The following SYN1 variants were observed in gnomAD, a reference collection of about 807,000 sequenced individuals.
SYN1 encodes the protein synapsin-1.
SYN1 carries 8 observed loss-of-function variants against 44.6 expected under a neutral mutation model. The observed-to-expected ratio is 0.18, with a 90% CI of 0.11 to 0.32. SYN1 has a LOEUF of 0.32. Ranked by LOEUF, SYN1 falls within the 10% of genes least tolerant of loss-of-function variation. The probability of loss-of-function intolerance (pLI) is 1.00; values close to 1 mark genes in which losing one functional copy is unlikely to be tolerated. For synonymous variants in SYN1, 275 were observed against 280.1 expected, an observed-to-expected ratio of 0.98 and a Z score of 0.18; for missense variants, 451 against 639.4, an observed-to-expected ratio of 0.71 and a Z score of 3.18.
Position 47,619,640 on chromosome X carries a change from G to C in SYN1, c.89C>G (p.Pro30Arg). Reference sequence around the variant, plus strand: ...GTGGGCACCGGGCGGCGGTGGGGGCGGCTGCGGACGCTGCAGGTCTGTCAT... The same window carrying C: ...GTGGGCACCGGGCGGCGGTGGGGGCCGCTGCGGACGCTGCAGGTCTGTCAT... ...GYMTDLQRPQ[P>R]PPPPPGAHSP... Residue 30 changes from proline to arginine, a missense_variant, in exon 1 of 13, where the codon CCG becomes CGG. Physicochemically the swap from Pro to Arg is moderately radical, Grantham distance 103. Around this residue, in one of 3 missense-constraint regions of SYN1, gnomAD observed 315 missense variants for 451.4 expected, o/e 0.70. Transcript: ENST00000295987. 8.6e-7 allele frequency: 1 copy of C among 1,160,343 alleles called. No homozygotes were observed. The highest frequency in any genetic ancestry group is 1.9e-5 in the South Asian group (1 of 52,144).
Position 47,574,721 on chromosome X carries a change from C to T in SYN1, c.1360G>A (p.Gly454Arg). 8.4e-7 allele frequency: 1 copy of T among 1,186,243 alleles called. No homozygotes were observed. The highest frequency in any genetic ancestry group is 1.1e-6 in the Non-Finnish European group (1 of 883,257). ...GGGGGTCGCTGCTGAGCCGGGGGCC[C>T]TGCGGGCTGCTGGGAGGTCTGGCGG... The part of the protein sequence containing the change: ...LGRQTSQQPA[G>R]PPAQQRPPPQ... Residue 454 changes from glycine (G) to arginine (R), a missense_variant, in exon 11 of 13, where the codon GGG (glycine) becomes AGG (arginine). By Grantham distance (125) the Gly-to-Arg change is moderately radical. Transcript: ENST00000295987.
At chrX:47,585,226 T>C in intron 5 of SYN1, 1 of 1,198,906 alleles carries the variant, frequency 8.3e-7, no homozygotes, top group Non-Finnish European at 1.1e-6. Flanking sequence ...GTTCCAAGCC[T>C]TAGGGGATGC....
Position 47,586,999 on chromosome X carries a change from G to A in SYN1, c.775-9498C>T, listed in dbSNP as rs1054353253. On this transcript the variant is annotated intron_variant, in intron 5 of 12. Transcript: ENST00000295987. ...GGTCACTGAACCTGCATTATCAACC[G>A]TAACCTCTGAATAATTTCTCCAGCC... Among the ~76,000 whole-genome samples the A allele has an allele frequency of 5.3e-5, 6 of 112,886 alleles. 1 individual carries two copies. The highest frequency in any genetic ancestry group is 9.7e-5 in the African/African-American group (3 of 31,088).
Position 47,619,765 on chromosome X carries a change from T to C in SYN1, c.-37A>G, listed in dbSNP as rs1347947304. The C allele has an allele frequency of 3.5e-6, 4 of 1,144,851 alleles. No homozygotes were observed. The Admixed American group carries it at 7.9e-5, about 22-fold the overall frequency. The allele number at this position is 1,144,851 out of a possible 1,213,427, so 94.3% of individuals were successfully genotyped here. A position where few individuals can be genotyped will look rare whatever the true frequency, so the allele number is the denominator to read the frequency against. The stretch of plus-strand genomic sequence containing the variant: ...GGGGCAGGGGGTCCTAGGGGTGGTC[T>C]GGCCAGGAGCCGCGGGGGCGGACTG... On this transcript the variant is annotated 5_prime_UTR_variant, in exon 1 of 13. Transcript: ENST00000295987.
At chrX:47,577,601 A>G in intron 5 of SYN1, 100 bp from the exon 6 acceptor site, 1 of 747,987 alleles carries the variant, frequency 1.3e-6, no homozygotes, top group Non-Finnish European at 2.0e-6. Flanking sequence ...GAACTGCATT[A>G]TGAGTCACTT....
chrX:47,617,813 T>A (rs774741598), intron 1 of SYN1, among the ~76,000 whole-genome samples: 16 of 111,722 alleles, frequency 1.4e-4, no homozygotes, highest in African/African-American at 4.6e-4. Context: ...AAAAGGTCTT[T>A]GGGGGAGGAT....
At chrX:47,579,849 G>GCCCCCCCCCCCCCC (rs140381513) in intron 5 of SYN1, among the ~76,000 whole-genome samples, 53 of 83,119 alleles carry the variant, frequency 6.4e-4, no homozygotes, top group African/African-American at 9.1e-4. Context: ...TGTTTTTGTC[G>GCCCCCCCCCCCCCC]CCCCCCCACC....
chrX:47,597,256 A>G (rs1284089999), intron 5 of SYN1, among the ~76,000 whole-genome samples: 2 of 108,511 alleles, frequency 1.8e-5, no homozygotes, highest in African/African-American at 3.4e-5. Context: ...AATTGCTTGA[A>G]CCTGGGAGGT....
At position 47,612,440 on chromosome X, in the gene SYN1, CAT is replaced by C. The variant is rs748074050; in HGVS notation, c.378-5244_378-5243del. Among the ~76,000 whole-genome samples the C allele has an allele frequency of 3.6e-5, 4 of 111,182 alleles. No individual in the cohort carries two copies. In the East Asian group the frequency reaches 1.1e-3, roughly 32 times the overall value. ...TGAGCAGGTAAGTAACCCTGATCCC[CAT>C]GTCTTCCACACTGTTGTGCTAGTGC... On this transcript the variant is annotated intron_variant, in intron 1 of 12. Coordinates refer to ENST00000295987, the MANE Select transcript of SYN1 (RefSeq NM_006950.3).
chrX:47,590,926 T>G (rs2057845763), intron 5 of SYN1, among the ~76,000 whole-genome samples: 1 of 112,342 alleles, frequency 8.9e-6, no homozygotes, highest in African/African-American at 3.2e-5. Flanking sequence ...AGAGTCTCAC[T>G]CTGTTGCCCC....
chrX:47,585,436 T>C lies in SYN1; in HGVS notation c.775-7935A>G, dbSNP rs779137252. 4 of 1,192,208 alleles carry C rather than the reference T, an allele frequency of 3.4e-6. No homozygotes were observed. The African/African-American group carries it at 7.0e-5, about 21-fold the overall frequency. On this transcript the variant is annotated intron_variant, in intron 5 of 12. Transcript: ENST00000295987. The stretch of plus-strand genomic sequence containing the variant: ...CTGATGGGAATGGTCCCACTGGAAA[T>C]GGGGACCACCCCAATTTCAGTCTAT...
At chrX:47,574,984 G>T in intron 10 of SYN1, 144 bp downstream of exon 10, 1 of 926,933 alleles carries the variant, frequency 1.1e-6, no homozygotes, top group Non-Finnish European at 1.5e-6. Flanking sequence ...GCTTATCAAT[G>T]TTTTAAACAA....
At chrX:47,600,529 C>T (rs1457153417) in intron 5 of SYN1, among the ~76,000 whole-genome samples, 2 of 111,692 alleles carry the variant, frequency 1.8e-5, no homozygotes, top group Non-Finnish European at 3.8e-5. Context: ...TGCTATAAAC[C>T]AATTAGACCT....
intron 1 of SYN1, among the ~76,000 whole-genome samples, chrX:47,614,257 G>C (rs2057925013): frequency 9.0e-6 from 1 of 111,235 alleles, no homozygotes; most frequent in Admixed American, 9.6e-5. Context: ...GATCCACTTG[G>C]GCATCTGTTG....
chrX:47,605,623 C>T (rs184023030), intron 3 of SYN1, among the ~76,000 whole-genome samples: 3 of 111,335 alleles, frequency 2.7e-5, no homozygotes, highest in Non-Finnish European at 5.7e-5. Context: ...TGCAGCTTAC[C>T]GACACAGCTC....
chrX:47,575,382 T>C (rs1294979183), intron 9 of SYN1, 108 bp from the exon 10 acceptor site: 6 of 928,637 alleles, frequency 6.5e-6, no homozygotes, highest in Non-Finnish European at 4.5e-6. Flanking sequence ...TGAGCCCCAG[T>C]GTCTGAGGCA....
At chrX:47,584,814 C>CCAA (rs1418198725) in intron 5 of SYN1, 5 of 548,345 alleles carry the variant, frequency 9.1e-6, no homozygotes, top group Non-Finnish European at 1.5e-5. Flanking sequence ...TGTGTGCTGT[C>CCAA]TGGCATCCAA....
In SYN1 at chrX:47,577,515, G is replaced by C; in HGVS notation, c.775-14C>G. ...TGTACTGCTGAGCTGGTGGGGAAAA[G>C]GCAGAGGAGACATGCTCAGGGCAGA... On this transcript the variant is annotated splice_polypyrimidine_tract_variant and intron_variant, in intron 5 of 12. Coordinates refer to ENST00000295987, the MANE Select transcript of SYN1 (RefSeq NM_006950.3). The C allele has an allele frequency of 3.3e-6, 4 of 1,200,673 alleles. No homozygotes were observed. Among genetic ancestry groups the C allele is most frequent in the Non-Finnish European group, 4.5e-6 (4 of 889,375 alleles).
At chrX:47,608,018 G>C (rs763573867) in intron 1 of SYN1, among the ~76,000 whole-genome samples, 1 of 107,819 alleles carries the variant, frequency 9.3e-6, no homozygotes, top group African/African-American at 3.4e-5. Context: ...CAACAAGAGC[G>C]AGACTCCATC....
Sources: gnomAD v4.1 joint callset for allele counts (sites outside exome capture counted in the v4.1 genomes callset) on GRCh38, gnomAD v4.1.1 for gene constraint, gnomAD v4.1.1 regional missense constraint, MANE v1.5 for transcripts, NCBI Gene and HGNC (gene_info 2026-07-23, HGNC 2026-07-21) for gene names.